THTPA: variants seen among roughly 807,000 people sequenced by gnomAD.
THTPA encodes the protein thiamine-triphosphatase.
A neutral mutation model predicts 16.5 loss-of-function variants in THTPA; 16 were observed. The observed-to-expected ratio is 0.97, with a 90% CI of 0.66 to 1.47. The LOEUF (loss-of-function observed/expected upper bound fraction) is 1.47, where lower values mean the gene tolerates loss of function less well. Among genes scored for constraint, THTPA ranks in the 40% most tolerant of loss-of-function variants. THTPA has a pLI of 0.00. For missense variants in THTPA, 281 were observed against 280.9 expected, an observed-to-expected ratio of 1.00 and a Z score of 0.00; for synonymous variants, 110 against 115.5, an observed-to-expected ratio of 0.95 and a Z score of 0.30.
the THTPA span, chr14:23,534,642 G>A: frequency 1.5e-5 from 23 of 1,536,186 alleles, no homozygotes; most frequent in East Asian, 2.4e-5. This position sits in a 1 kb window ranked among gnomAD's most constrained non-coding sequence, Gnocchi z 4.5. Flanking sequence ...GGTTGCCCCC[G>A]CTGTTCCCCA....
chr14:23,524,382 G>C, the THTPA span: 2 of 1,536,202 alleles, frequency 1.3e-6, no homozygotes, highest in Non-Finnish European at 1.7e-6. The surrounding 1 kb of genome is among the most constrained non-coding windows in gnomAD (Gnocchi z 5.6). Flanking sequence ...TCCCTGGGGG[G>C]CTCGCCCTCC....
chr14:23,527,810 G>T, the THTPA span: 1 of 1,535,220 alleles, frequency 6.5e-7, no homozygotes, highest in Admixed American at 2.0e-5. Flanking sequence ...TATACCTGGA[G>T]GGAACATATG....
chr14:23,552,865 G>A (rs1882080270), upstream of THTPA, among the ~76,000 whole-genome samples: 2 of 152,280 alleles, frequency 1.3e-5, no homozygotes, highest in African/African-American at 4.8e-5. Context: ...GCCTCCCAAA[G>A]TCCTGGGATT....
chr14:23,521,910 G>A, the THTPA span: 1 of 1,531,664 alleles, frequency 6.5e-7, no homozygotes. Context: ...ACCCCTTGGG[G>A]TAAAAGAGGG....
chr14:23,514,833 G>A, the THTPA span, among the ~76,000 whole-genome samples: 1 of 152,154 alleles, frequency 6.6e-6, no homozygotes, highest in African/African-American at 2.4e-5. Context: ...ACTGGCATGA[G>A]AGGATGCCCT....
chr14:23,554,772 G>A (rs191124414), upstream of THTPA, among the ~76,000 whole-genome samples: 1 of 152,180 alleles, frequency 6.6e-6, no homozygotes, highest in African/African-American at 2.4e-5. Flanking sequence ...CTGGTGAGAG[G>A]GCAGGTGTTG....
chr14:23,545,806 G>A, the THTPA span, among the ~76,000 whole-genome samples: 13 of 152,184 alleles, frequency 8.5e-5, no homozygotes, highest in Admixed American at 7.9e-4. Context: ...CATGGCCCAG[G>A]AATAAAGAAG....
chr14:23,524,661 C>G, the THTPA span: 13 of 1,536,280 alleles, frequency 8.5e-6, no homozygotes, highest in Admixed American at 3.9e-5. The surrounding 1 kb of genome is among the most constrained non-coding windows in gnomAD (Gnocchi z 5.6). Context: ...GATGGAGTAG[C>G]CTTCTCTTCA....
chr14:23,526,761 C>A, the THTPA span: 20 of 1,530,634 alleles, frequency 1.3e-5, no homozygotes, highest in African/African-American at 2.7e-5. Flanking sequence ...AGGCAGTTGA[C>A]CTTGGCCTCA....
At position 23,556,520 on chromosome 14, in the gene THTPA, A is replaced by C; in HGVS notation, c.-238A>C. 1.8e-6 allele frequency: 1 copy of C among 554,142 alleles called. No homozygotes were observed. The allele number at this position is 554,142 out of a possible 1,614,324, so 34.3% of individuals were successfully genotyped here. A position where few individuals can be genotyped will look rare whatever the true frequency, so the allele number is the denominator to read the frequency against. On this transcript the variant is annotated 5_prime_UTR_variant, in exon 1 of 2. Transcript: ENST00000288014. ...GGATTGAGGACATCAGCAGCAGTGG[A>C]AGGGATTTTACTGGAGACCTGTCAC...
chr14:23,527,117 A>T, the THTPA span: 2 of 1,274,526 alleles, frequency 1.6e-6, no homozygotes, highest in Non-Finnish European at 2.0e-6. Flanking sequence ...CTCCCACCTA[A>T]TTGCTGCTTT....
At chr14:23,540,144 C>G in the THTPA span, among the ~76,000 whole-genome samples, 1 of 152,190 alleles carries the variant, frequency 6.6e-6, no homozygotes, top group Non-Finnish European at 1.5e-5. Flanking sequence ...GCATGTGCCA[C>G]CACGCCCAGC....
the THTPA span, among the ~76,000 whole-genome samples, chr14:23,539,050 G>A: frequency 6.6e-6 from 1 of 152,168 alleles, no homozygotes; most frequent in Non-Finnish European, 1.5e-5. Context: ...GTCATCCCCT[G>A]AGATGAATCT....
chr14:23,558,960 C>T lies in THTPA; in HGVS notation c.*120C>T, dbSNP rs915333101. The T allele has an allele frequency of 1.6e-6, 2 of 1,227,546 alleles. No homozygotes were observed. Among genetic ancestry groups the T allele is most frequent in the African/African-American group, 3.0e-5 (2 of 65,662 alleles). The allele number at this position is 1,227,546 out of a possible 1,614,324, so 76.0% of individuals were successfully genotyped here. ...GTGACTCCTCTCTCTCCAGCGCTGCCTGTTTCTTCCCCCTCCTCTAAGCTA... is the reference window on the plus strand; with the variant it reads ...GTGACTCCTCTCTCTCCAGCGCTGCTTGTTTCTTCCCCCTCCTCTAAGCTA... On this transcript the variant is annotated 3_prime_UTR_variant, in exon 2 of 2. Coordinates refer to ENST00000288014, the MANE Select transcript of THTPA (RefSeq NM_024328.6).
chr14:23,525,239 C>A, the THTPA span: 1 of 1,536,126 alleles, frequency 6.5e-7, no homozygotes, highest in Non-Finnish European at 8.7e-7. This position sits in a 1 kb window ranked among gnomAD's most constrained non-coding sequence, Gnocchi z 5.9. Flanking sequence ...TGCTCGACTT[C>A]GCTCTTCAGG....
the THTPA span, among the ~76,000 whole-genome samples, chr14:23,538,771 G>C: frequency 6.6e-6 from 1 of 152,122 alleles, no homozygotes; most frequent in African/African-American, 2.4e-5. Context: ...GGAGGTTGGG[G>C]ACGGTCAGGG....
chr14:23,544,842 T>G, the THTPA span, among the ~76,000 whole-genome samples: 3,721 of 152,192 alleles, frequency 0.024, 124 homozygotes, highest in African/African-American at 0.084. Context: ...GGCTCGCCAT[T>G]TCTCCATTCC....
the THTPA span, among the ~76,000 whole-genome samples, chr14:23,529,953 G>A: frequency 3.9e-5 from 6 of 152,272 alleles, no homozygotes; most frequent in East Asian, 1.9e-4. Context: ...CAAAGAGGGC[G>A]GAAGTGCCTA....
chr14:23,527,827 G>A, the THTPA span: 33 of 1,533,266 alleles, frequency 2.2e-5, no homozygotes, highest in Middle Eastern at 3.8e-4. Context: ...TATGGGCAGT[G>A]GACGAAGTGT....
Sources: allele counts gnomAD v4.1 joint callset (sites outside exome capture counted in the v4.1 genomes callset), GRCh38; gene constraint gnomAD v4.1.1; non-coding constraint Gnocchi (gnomAD v3.1); transcripts MANE v1.5; gene names NCBI Gene and HGNC (gene_info 2026-07-23, HGNC 2026-07-21).